The following HAS1 variants were observed in gnomAD, a reference collection of about 807,000 sequenced individuals.
HAS1 encodes the protein HA synthase 1.
In HAS1, 27 loss-of-function variants were observed where a neutral mutation model predicts 35.0. That is an observed-to-expected ratio of 0.77 (90% CI 0.57 to 1.06). The LOEUF (loss-of-function observed/expected upper bound fraction) is 1.06. Ranked by LOEUF, HAS1 falls within the 50% of genes least tolerant of loss-of-function variation. The pLI is 0.00. For missense variants in HAS1, 940 were observed against 814.8 expected, an observed-to-expected ratio of 1.15 and a Z score of -1.87; for synonymous variants, 409 against 371.2, an observed-to-expected ratio of 1.10 and a Z score of -1.17.
Position 51,713,688 on chromosome 19 carries a change from G to GC in HAS1, c.1472dup (p.Arg492ProfsTer7). 1 of 1,590,522 alleles carries GC rather than the reference G, an allele frequency of 6.3e-7. No individual in the cohort carries two copies. Among genetic ancestry groups the GC allele is most frequent in the Non-Finnish European group, 8.5e-7 (1 of 1,170,058 alleles). On this transcript the variant is annotated frameshift_variant, in exon 5 of 5. Transcript: ENST00000540069. LOFTEE classifies it low-confidence loss of function (END_TRUNC). The surrounding 1 kb of genome is among the most constrained non-coding windows in gnomAD (Gnocchi z 4.5). The stretch of plus-strand genomic sequence containing the variant: ...CGTAGTTAGCGGCCAGCTTCCGCCG[G>GC]CCCGAGGTGCCCCAGCCACTCTGGT...
rs750095254 is a variant in HAS1, at chr19:51,717,145, C to T, written c.748G>A (p.Val250Met). 2.4e-5 allele frequency: 39 copies of T among 1,613,914 alleles called. No individual in the cohort carries two copies. Among genetic ancestry groups the T allele is most frequent in the Admixed American group, 1.8e-4 (11 of 60,006 alleles). ...CGGGGGTCCTCGTCCAGTACCCGCA[C>T]GAGCTCCAGCAGTGCCATGGGGTCC... ...RLDPMALLEL[V>M]RVLDEDPRVG... Residue 250 changes from valine (V) to methionine (M), a missense_variant, in exon 3 of 5, where the codon GTG (valine) becomes ATG (methionine). Physicochemically the swap from Val to Met is conservative, Grantham distance 21. Transcript: ENST00000540069.
chr19:51,716,232 G>A (rs762230179), intron 4 of HAS1, 24 bp downstream of exon 4: 21 of 1,603,930 alleles, frequency 1.3e-5, no homozygotes, highest in South Asian at 5.6e-5. Flanking sequence ...ACACATACCC[G>A]ACCACCTGGT....
intron 4 of HAS1, among the ~76,000 whole-genome samples, chr19:51,715,756 T>A (rs2083582171): frequency 6.6e-6 from 1 of 152,214 alleles, no homozygotes; most frequent in African/African-American, 2.4e-5. Context: ...TCTCATGGAA[T>A]TACTTGTCTT....
rs2083552362 is a variant in HAS1, at chr19:51,713,287, A to C, written c.*140T>G. ...GTCCCAATATAGTCCAGACTGAAGA[A>C]TCTTGGGCTGACCCCCTCGTTTTGC... On this transcript the variant is annotated 3_prime_UTR_variant, in exon 5 of 5. Coordinates refer to ENST00000540069, the MANE Select transcript of HAS1 (RefSeq NM_001297436.2). The surrounding 1 kb of genome is among the most constrained non-coding windows in gnomAD (Gnocchi z 4.5). The C allele has an allele frequency of 1.3e-6, 1 of 786,494 alleles. No individual in the cohort carries two copies. The highest frequency in any genetic ancestry group is 3.0e-5 in the East Asian group (1 of 33,746). The allele number at this position is 786,494 out of a possible 1,614,324, so 48.7% of individuals were successfully genotyped here. A position where few individuals can be genotyped will look rare whatever the true frequency, so the allele number is the denominator to read the frequency against.
chr19:51,713,765 G>A lies in HAS1; in HGVS notation c.1396C>T (p.Leu466Phe). Residue 466 changes from leucine (L) to phenylalanine (F), a missense_variant, in exon 5 of 5, where the codon CTC becomes TTC. Leu to Phe is a conservative substitution (Grantham distance 22, BLOSUM62 0). Coordinates refer to ENST00000540069, the MANE Select transcript of HAS1 (RefSeq NM_001297436.2). This position sits in a 1 kb window ranked among gnomAD's most constrained non-coding sequence, Gnocchi z 4.5. ...RMVLLSLYAP[L>F]YMCGLLPAKF... is the part of the protein sequence containing the mutation. ...GCAGGCAGGAGGCCACACATGTAGAGGGGCGCGTAGAGCGACAGAAGCACC... is the reference window on the plus strand; with the variant it reads ...GCAGGCAGGAGGCCACACATGTAGAAGGGCGCGTAGAGCGACAGAAGCACC... 1 of 1,604,872 alleles carries A rather than the reference G, an allele frequency of 6.2e-7. No individual in the cohort carries two copies. Among genetic ancestry groups the A allele is most frequent in the Non-Finnish European group, 8.5e-7 (1 of 1,176,062 alleles).
At chr19:51,719,116 T>C in intron 2 of HAS1, 90 bp downstream of exon 2, 1 of 707,614 alleles carries the variant, frequency 1.4e-6, no homozygotes, top group East Asian at 2.9e-5. Flanking sequence ...AGGGAGAGAG[T>C]CATTCAAATC....
At chr19:51,717,564 A>C (rs2083596032) in intron 2 of HAS1, among the ~76,000 whole-genome samples, 1 of 152,200 alleles carries the variant, frequency 6.6e-6, no homozygotes, top group Non-Finnish European at 1.5e-5. Context: ...TCTTGACTAT[A>C]AGTTAATCAA....
Position 51,719,573 on chromosome 19 carries a change from C to A in HAS1, c.332G>T (p.Arg111Leu). 2 of 1,544,500 alleles carry A rather than the reference C, an allele frequency of 1.3e-6. No individual in the cohort carries two copies. Among genetic ancestry groups the A allele is most frequent in the Non-Finnish European group, 1.7e-6 (2 of 1,144,382 alleles). The part of the protein sequence containing the change: ...SAYQEDPAYL[R>L]QCLASARALL... ...GGCGCGGGCGGACGCCAGGCACTGGCGCAGGTACGCGGGGTCCTCCTGGTA... is the reference window on the plus strand; with the variant it reads ...GGCGCGGGCGGACGCCAGGCACTGGAGCAGGTACGCGGGGTCCTCCTGGTA... Residue 111 changes from arginine (R) to leucine (L), a missense_variant, in exon 2 of 5, where the codon CGC becomes CTC. Coordinates refer to ENST00000540069, the MANE Select transcript of HAS1 (RefSeq NM_001297436.2).
chr19:51,723,890 C>CACACACACAT (rs1159241731), intron 1 of HAS1, 35 bp downstream of exon 1: 1 of 1,337,250 alleles, frequency 7.5e-7, no homozygotes, highest in Non-Finnish European at 1.0e-6. Flanking sequence ...TGTATACACA[C>CACACACACAT]ACACACACAC....
chr19:51,718,668 C>T (rs1015467376), intron 2 of HAS1, among the ~76,000 whole-genome samples: 3 of 152,184 alleles, frequency 2.0e-5, no homozygotes, highest in African/African-American at 7.2e-5. Context: ...TCCCGAGTAG[C>T]TGGGATTATA....
At position 51,719,756 on chromosome 19, in the gene HAS1, T is replaced by C; in HGVS notation, c.149A>G (p.Tyr50Cys). The change falls in exon 2 of 5, where the codon TAC becomes TGC. Residue 50 changes from tyrosine to cysteine, a missense_variant. By Grantham distance (194) the Tyr-to-Cys change is radical (BLOSUM62 -2). Coordinates refer to ENST00000540069, the MANE Select transcript of HAS1 (RefSeq NM_001297436.2). ...AAGVPLASDR[Y>C]GLLAFGLYGA... is the part of the protein sequence containing the mutation. ...GTAGAGGCCGAAGGCCAGGAGGCCG[T>C]AGCGATCGGAGGCCAGCGGCACCCC... 6.4e-7 allele frequency: 1 copy of C among 1,566,302 alleles called. No individual in the cohort carries two copies. Among genetic ancestry groups the C allele is most frequent in the Non-Finnish European group, 8.6e-7 (1 of 1,160,330 alleles).
At position 51,716,103 on chromosome 19, in the gene HAS1, A is replaced by C. The variant is rs775569251; in HGVS notation, c.1058+153T>G. On this transcript the variant is annotated intron_variant, in intron 4 of 4. Transcript: ENST00000540069. ...CTCAATGCAAATGGCCCCTCTGCCC[A>C]TTATGGTATCCTCCTCTCTCCTCTA... is the stretch of plus-strand genomic sequence containing the variant. 53 of 684,254 alleles carry C rather than the reference A, an allele frequency of 7.7e-5. No homozygotes were observed. In the Middle Eastern group the frequency reaches 1.7e-3, roughly 22 times the overall value. 42.4% of individuals were successfully genotyped at this position (684,254 alleles called of 1,614,324 possible).
intron 1 of HAS1, among the ~76,000 whole-genome samples, chr19:51,721,564 G>C (rs958996061): frequency 3.3e-5 from 5 of 152,124 alleles, no homozygotes; most frequent in African/African-American, 1.2e-4. Flanking sequence ...GATCACCTGA[G>C]GTCAGGAGTT....
intron 4 of HAS1, 46 bp from the exon 5 acceptor site, chr19:51,714,148 G>A (rs745941159): frequency 5.1e-6 from 8 of 1,577,220 alleles, no homozygotes; most frequent in South Asian, 2.3e-5. Context: ...GCTCCCTGGG[G>A]CCTGGGCAGG....
At chr19:51,716,914 C>G (rs1599792480) in intron 3 of HAS1, 54 bp downstream of exon 3, 1 of 1,226,866 alleles carries the variant, frequency 8.2e-7, no homozygotes. Flanking sequence ...CATCCGGCTT[C>G]CCTTCTCCCT....
Position 51,714,069 on chromosome 19 carries a change from C to T in HAS1, c.1092G>A (p.Thr364=). Residue 364 remains threonine (T), a synonymous_variant, in exon 5 of 5, where the codon ACG becomes ACA. Coordinates refer to ENST00000540069, the MANE Select transcript of HAS1 (RefSeq NM_001297436.2). ...TCAGCCACCGCAGGAAGGACGAGGG[C>T]GTCTCTGAGTAGCAGCGGGACCTGG... ...YTSRSRCYSE[T]PSSFLRWLSQ... is the part of the protein sequence containing the mutation. 6.2e-7 allele frequency: 1 copy of T among 1,613,482 alleles called. No homozygotes were observed. The highest frequency in any genetic ancestry group is 8.5e-7 in the Non-Finnish European group (1 of 1,179,782).
intron 1 of HAS1, 56 bp downstream of exon 1, chr19:51,723,869 C>T (rs2083647406): frequency 1.5e-6 from 2 of 1,315,874 alleles, no homozygotes; most frequent in African/African-American, 3.0e-5. Context: ...CAGTAGTTTT[C>T]CCCACATGGC....
At chr19:51,716,570 A>G (rs2083588189) in intron 3 of HAS1, among the ~76,000 whole-genome samples, 182 bp from the exon 4 acceptor site, 1 of 150,892 alleles carries the variant, frequency 6.6e-6, no homozygotes, top group Non-Finnish European at 1.5e-5. Flanking sequence ...CCTCATACGC[A>G]CTCCAACTTG....
intron 1 of HAS1, among the ~76,000 whole-genome samples, chr19:51,721,712 G>C (rs1442118929): frequency 6.6e-6 from 1 of 152,146 alleles, no homozygotes; most frequent in Non-Finnish European, 1.5e-5. Flanking sequence ...GTTGCAGTGA[G>C]CCAAGATGGC....
Sources: gnomAD v4.1 joint callset for allele counts (sites outside exome capture counted in the v4.1 genomes callset) on GRCh38, gnomAD v4.1.1 for gene constraint, Gnocchi (gnomAD v3.1) non-coding constraint, MANE v1.5 for transcripts, NCBI Gene and HGNC (gene_info 2026-07-23, HGNC 2026-07-21) for gene names.